Variants in MCF2 observed in about 807,000 individuals in gnomAD.
MCF2 encodes the protein proto-oncogene DBL.
Under a neutral mutation model 82.5 loss-of-function variants are expected in MCF2, and 44 were observed. The observed-to-expected ratio is 0.53, with a 90% confidence interval of 0.42 to 0.69. MCF2 has a LOEUF of 0.69. MCF2 is among the 30% of genes least tolerant of loss of function. The probability of loss-of-function intolerance (pLI) is 0.00; values close to 1 mark genes in which losing one functional copy is unlikely to be tolerated. For missense variants in MCF2, 623 were observed against 663.1 expected (o/e 0.94, Z 0.66); for synonymous variants, 217 against 224.9 (o/e 0.96, Z 0.32).
intron 13 of MCF2, 21 bp from the exon 18 acceptor site, chrX:139,605,005 C>A (rs773081805): frequency 3.3e-6 from 3 of 899,003 alleles, no homozygotes; most frequent in African/African-American, 4.0e-5. Context: ...TAAATACATT[C>A]ATGCATTTTA....
At chrX:139,593,232 A>G in intron 19 of MCF2, among the ~76,000 whole-genome samples, 1 of 111,434 alleles carries the variant, frequency 9.0e-6, no homozygotes, top group South Asian at 3.8e-4. Context: ...ATTGGTAGTG[A>G]TATCCCCTTT....
chrX:139,663,132 T>A (rs1934402111), intron 1 of MCF2, among the ~76,000 whole-genome samples: 3 of 112,436 alleles, frequency 2.7e-5, no homozygotes, highest in Admixed American at 1.9e-4. Context: ...ATTCATATAC[T>A]GATTTCTTTT....
chrX:139,616,564 G>T, intron 8 of MCF2, 91 bp from the exon 12 acceptor site: 1 of 468,924 alleles, frequency 2.1e-6, no homozygotes, highest in Non-Finnish European at 3.4e-6. Context: ...TCAGCCTCTG[G>T]CTTCCGTGAG....
chrX:139,621,187 A>T, intron 6 of MCF2, among the ~76,000 whole-genome samples: 1 of 111,815 alleles, frequency 8.9e-6, no homozygotes, highest in East Asian at 2.8e-4. Context: ...CACCATATAT[A>T]ACAATTAACT....
chrX:139,648,378 C>T (rs193226791), intron 2 of MCF2, among the ~76,000 whole-genome samples: 54 of 107,792 alleles, frequency 5.0e-4, no homozygotes, highest in African/African-American at 1.8e-3. Flanking sequence ...TCTCTCCACG[C>T]CCCCCCCAAA....
intron 1 of MCF2, among the ~76,000 whole-genome samples, chrX:139,659,293 A>T (rs1462960703): frequency 1.8e-5 from 2 of 111,057 alleles, no homozygotes; most frequent in Non-Finnish European, 1.9e-5. Flanking sequence ...CTAAAAAAAA[A>T]AATAAAAAAT....
chrX:139,692,216 C>A lies in MCF2; in HGVS notation c.-45+15890G>T, dbSNP rs747251599. 31 of 732,047 alleles carry A rather than the reference C, an allele frequency of 4.2e-5. No homozygotes were observed. The South Asian group carries it at 7.4e-4, about 18-fold the overall frequency. 60.3% of individuals were successfully genotyped at this position (732,047 alleles called of 1,213,427 possible). A position where few individuals can be genotyped will look rare whatever the true frequency, so the allele number is the denominator to read the frequency against. On this transcript the variant is annotated intron_variant, in intron 1 of 27. Coordinates refer to the MCF2 transcript ENST00000414978. The stretch of plus-strand genomic sequence containing the variant: ...TGGAGAGCCGGGCAGGGCCGCTACT[C>A]CAGCCAGCAGCTGCCCAGCTCTGAC...
At chrX:139,603,905 T>C (rs1930765404) in intron 15 of MCF2, among the ~76,000 whole-genome samples, 1 of 112,320 alleles carries the variant, frequency 8.9e-6, no homozygotes, top group South Asian at 3.7e-4. Context: ...AGTTCTTTCT[T>C]ATCCTTATTC....
At chrX:139,583,401 A>G (rs978367446) in intron 24 of MCF2, among the ~76,000 whole-genome samples, 12 of 111,874 alleles carry the variant, frequency 1.1e-4, no homozygotes, top group Non-Finnish European at 2.1e-4. Flanking sequence ...CCTATATACC[A>G]TGGAATACTC....
chrX:139,619,760 T>C lies in MCF2; in HGVS notation c.688-54A>G, dbSNP rs545322439. On this transcript the variant is annotated intron_variant, in intron 6 of 24. Coordinates refer to ENST00000370576, the Ensembl canonical transcript of MCF2. ...AAACATAAAATTTATCCCCTTATGA[T>C]CAAGTTTTATACAAAATGCTTTTAA... The C allele has an allele frequency of 2.6e-5, 25 of 946,874 alleles. No homozygotes were observed. In the South Asian group the frequency reaches 6.6e-4, roughly 25 times the overall value. 78.0% of individuals were successfully genotyped at this position (946,874 alleles called of 1,213,427 possible).
chrX:139,590,570 T>C (rs1929425951), intron 19 of MCF2, among the ~76,000 whole-genome samples: 1 of 111,033 alleles, frequency 9.0e-6, no homozygotes, highest in South Asian at 3.8e-4. Flanking sequence ...CTTACCACAA[T>C]TTTTTCTTTT....
intron 20 of MCF2, 51 bp from the exon 25 acceptor site, chrX:139,588,489 A>G: frequency 1.3e-6 from 1 of 772,955 alleles, no homozygotes; most frequent in Non-Finnish European, 2.0e-6. Context: ...TTCCTTTTAA[A>G]AAGGATGTAC....
intron 2 of MCF2, among the ~76,000 whole-genome samples, chrX:139,631,908 A>G (rs1932945246): frequency 9.0e-6 from 1 of 111,243 alleles, no homozygotes; most frequent in Admixed American, 9.6e-5. Flanking sequence ...CCCTATTCCT[A>G]ACCTTAAAAA....
intron 6 of MCF2, among the ~76,000 whole-genome samples, chrX:139,625,485 C>G (rs756365907): frequency 2.1e-3 from 229 of 111,496 alleles, no homozygotes; most frequent in Non-Finnish European, 3.4e-3. Flanking sequence ...AAACCTAACT[C>G]TGATGAGCAA....
At chrX:139,691,669 G>A (rs1229746342) in intron 1 of MCF2, among the ~76,000 whole-genome samples, 1 of 104,268 alleles carries the variant, frequency 9.6e-6, no homozygotes, top group Non-Finnish European at 2.0e-5. Flanking sequence ...CCAGAGGAAC[G>A]GAGAACGGAT....
Position 139,604,707 on chromosome X carries a change from T to C in MCF2, c.1717A>G (p.Arg573Gly). ...CTTTCCAGGAAACAAGGTCCCACTCTTTCTGGAGCATGAGCACAATTTTCC... is the reference window on the plus strand; with the variant it reads ...CTTTCCAGGAAACAAGGTCCCACTCCTTCTGGAGCATGAGCACAATTTTCC... The change falls in exon 15 of 25, where the codon AGA (arginine) becomes GGA (glycine). Residue 573 changes from arginine (R) to glycine (G), a missense_variant. By Grantham distance (125) the Arg-to-Gly change is moderately radical. Coordinates refer to ENST00000370576, the Ensembl canonical transcript of MCF2. 1 of 1,198,440 alleles carries C rather than the reference T, an allele frequency of 8.3e-7. No individual in the cohort carries two copies. Among genetic ancestry groups the C allele is most frequent in the Non-Finnish European group, 1.1e-6 (1 of 888,972 alleles).
At chrX:139,612,062 T>A (rs1931538124) in intron 10 of MCF2, among the ~76,000 whole-genome samples, 1 of 109,093 alleles carries the variant, frequency 9.2e-6, no homozygotes, top group South Asian at 4.0e-4. Flanking sequence ...ATTAGGAAAG[T>A]GGCAGTAAGG....
At chrX:139,673,563 T>C (rs192894590) in intron 1 of MCF2, among the ~76,000 whole-genome samples, 93 of 112,223 alleles carry the variant, frequency 8.3e-4, no homozygotes, top group African/African-American at 2.6e-3. Flanking sequence ...CTGCCTTCAT[T>C]TCATTATTTA....
At chrX:139,670,643 C>T in intron 1 of MCF2, among the ~76,000 whole-genome samples, 1 of 111,628 alleles carries the variant, frequency 9.0e-6, no homozygotes. Flanking sequence ...GACATGAACT[C>T]ATCCCTTTTT....
Sources: gnomAD v4.1 joint callset for allele counts (sites outside exome capture counted in the v4.1 genomes callset) on GRCh38, gnomAD v4.1.1 for gene constraint, MANE v1.5 for transcripts, NCBI Gene and HGNC (gene_info 2026-07-23, HGNC 2026-07-21) for gene names.